ETS1: variants seen among roughly 807,000 people sequenced by gnomAD.
ETS1 encodes protein C-ets-1.
A neutral mutation model predicts 58.6 loss-of-function variants in ETS1; 15 were observed. The observed-to-expected ratio is 0.26, with a 90% CI of 0.17 to 0.39. The LOEUF is 0.39. Ranked by LOEUF, ETS1 falls within the 10% of genes least tolerant of loss-of-function variation. ETS1 has a pLI of 1.00. For synonymous variants in ETS1, 214 were observed against 218.2 expected (o/e 0.98, Z 0.17); for missense variants, 417 against 610.5 (o/e 0.68, Z 3.34).
intron 3 of ETS1, among the ~76,000 whole-genome samples, chr11:128,514,674 C>T (rs75946249): frequency 8.5e-5 from 13 of 152,190 alleles, no homozygotes; most frequent in Middle Eastern, 3.4e-3. Context: ...CATTTTTTGC[C>T]ATGGAAGCAC....
intron 3 of ETS1, among the ~76,000 whole-genome samples, chr11:128,544,672 C>T (rs1462016203): frequency 1.3e-5 from 2 of 151,834 alleles, no homozygotes; most frequent in African/African-American, 2.4e-5. Context: ...ATACAGCAGA[C>T]GTCTTCTGCC....
At chr11:128,586,931 A>C (rs536597610) in intron 1 of ETS1, among the ~76,000 whole-genome samples, 1 of 152,204 alleles carries the variant, frequency 6.6e-6, no homozygotes, top group African/African-American at 2.4e-5. Context: ...CAACAGACTT[A>C]GGAACTTGTA....
At chr11:128,532,599 A>G (rs1004313876) in intron 3 of ETS1, among the ~76,000 whole-genome samples, 4 of 151,794 alleles carry the variant, frequency 2.6e-5, no homozygotes, top group African/African-American at 9.7e-5. Flanking sequence ...CAACAACCAG[A>G]GCAAATAAAT....
At chr11:128,468,667 C>G (rs1004368159) in intron 8 of ETS1, among the ~76,000 whole-genome samples, 6 of 152,166 alleles carry the variant, frequency 3.9e-5, no homozygotes, top group Admixed American at 1.3e-4. Flanking sequence ...TGGGCAGGCA[C>G]CTTCCCAGGC....
intron 8 of ETS1, among the ~76,000 whole-genome samples, chr11:128,479,693 G>A (rs540809830): frequency 1.3e-5 from 2 of 152,300 alleles, no homozygotes; most frequent in South Asian, 2.1e-4. Context: ...TGGACAGGGC[G>A]TAGTGCCACT....
At chr11:128,581,055 T>C (rs1056713260) in intron 1 of ETS1, among the ~76,000 whole-genome samples, 3 of 152,208 alleles carry the variant, frequency 2.0e-5, no homozygotes, top group African/African-American at 7.2e-5. Context: ...GACTAGAAGA[T>C]GTTTTACTCT....
chr11:128,507,358 G>A (rs1011925869), intron 3 of ETS1, among the ~76,000 whole-genome samples: 7 of 152,124 alleles, frequency 4.6e-5, no homozygotes, highest in African/African-American at 1.2e-4. Context: ...TTTCAGCGAC[G>A]GGTGGTGTGG....
At chr11:128,526,789 T>G in intron 3 of ETS1, 1 of 366,606 alleles carries the variant, frequency 2.7e-6, no homozygotes, top group East Asian at 8.3e-5. Context: ...ACATTTGTAG[T>G]GCCTCTTTGG....
At chr11:128,577,863 C>G (rs988260466) in intron 1 of ETS1, among the ~76,000 whole-genome samples, 1 of 150,406 alleles carries the variant, frequency 6.6e-6, no homozygotes, top group African/African-American at 2.5e-5. Context: ...ATTGGTGCAG[C>G]TGATGTTCAA....
chr11:128,563,345 G>A (rs900013207), intron 2 of ETS1, among the ~76,000 whole-genome samples: 1 of 152,188 alleles, frequency 6.6e-6, no homozygotes, highest in African/African-American at 2.4e-5. Context: ...TGCCACCATG[G>A]AAATAACTTT....
At chr11:128,570,502 A>T (rs547636551) in intron 2 of ETS1, among the ~76,000 whole-genome samples, 8 of 152,204 alleles carry the variant, frequency 5.3e-5, no homozygotes, top group Non-Finnish European at 1.2e-4. Context: ...TCAGCCTCCC[A>T]AAGTGCCAGG....
At chr11:128,462,669 C>A in intron 9 of ETS1, 93 bp from the exon 10 acceptor site, 1 of 855,524 alleles carries the variant, frequency 1.2e-6, no homozygotes, top group Non-Finnish European at 1.9e-6. Context: ...TATACCCATT[C>A]ATGGTGACCC....
chr11:128,543,049 A>T (rs1360982275), intron 3 of ETS1, among the ~76,000 whole-genome samples: 1 of 151,814 alleles, frequency 6.6e-6, no homozygotes, highest in Non-Finnish European at 1.5e-5. Flanking sequence ...GTGGCAAGCG[A>T]CTGTAATCCC....
At chr11:128,478,043 G>A (rs368689410) in intron 8 of ETS1, among the ~76,000 whole-genome samples, 7 of 152,242 alleles carry the variant, frequency 4.6e-5, no homozygotes, top group African/African-American at 1.7e-4. Context: ...CTGTTTTCTG[G>A]ACTATTATTC....
chr11:128,474,229 T>C (rs1862260873), intron 8 of ETS1, among the ~76,000 whole-genome samples: 1 of 152,174 alleles, frequency 6.6e-6, no homozygotes, highest in African/African-American at 2.4e-5. Context: ...GGGTGCAGGA[T>C]GTATTGTACA....
At chr11:128,523,450 A>T (rs1197445844) in intron 3 of ETS1, among the ~76,000 whole-genome samples, 1 of 152,258 alleles carries the variant, frequency 6.6e-6, no homozygotes, top group Non-Finnish European at 1.5e-5. Flanking sequence ...TAACAGAAAG[A>T]TTAAACATAA....
intron 7 of ETS1, among the ~76,000 whole-genome samples, chr11:128,480,664 G>A (rs889542212): frequency 1.3e-5 from 2 of 152,146 alleles, no homozygotes; most frequent in Non-Finnish European, 2.9e-5. Context: ...AGGGTCCACG[G>A]CCACTCTGCT....
At chr11:128,527,086 G>A (rs1565397898) in intron 3 of ETS1, 1 of 393,162 alleles carries the variant, frequency 2.5e-6, no homozygotes, top group Non-Finnish European at 5.0e-6. Context: ...AATGGACATG[G>A]GAGTAGATAG....
chr11:128,522,268 TC>T (rs1863701404), intron 3 of ETS1: 4 of 1,135,174 alleles, frequency 3.5e-6, no homozygotes, highest in African/African-American at 3.3e-5. Flanking sequence ...CCTCGCCCGC[TC>T]CCTCCTCTCC....
Sources: allele counts gnomAD v4.1 joint callset (sites outside exome capture counted in the v4.1 genomes callset), GRCh38; gene constraint gnomAD v4.1.1; transcripts MANE v1.5; gene names NCBI Gene and HGNC (gene_info 2026-07-23, HGNC 2026-07-21).